Variants in FAM222B observed in about 807,000 individuals in gnomAD.
FAM222B encodes the protein protein FAM222B.
FAM222B carries 12 observed loss-of-function variants against 38.0 expected under a neutral mutation model. That is an observed-to-expected ratio of 0.32 (90% confidence interval 0.20 to 0.51). The LOEUF (loss-of-function observed/expected upper bound fraction) is 0.51. FAM222B is among the 20% of genes least tolerant of loss of function. FAM222B has a pLI of 0.97. For synonymous variants in FAM222B, 329 were observed against 317.2 expected, an observed-to-expected ratio of 1.04 and a Z score of -0.40; for missense variants, 716 against 754.2, an observed-to-expected ratio of 0.95 and a Z score of 0.59.
chr17:28,763,084 T>C (rs747717462), intron 2 of FAM222B, among the ~76,000 whole-genome samples: 4 of 152,222 alleles, frequency 2.6e-5, no homozygotes, highest in Non-Finnish European at 5.9e-5. Flanking sequence ...AAATAGCTTA[T>C]ACCAATAGTG....
chr17:28,772,202 A>G (rs192925651), intron 1 of FAM222B, among the ~76,000 whole-genome samples: 5 of 152,324 alleles, frequency 3.3e-5, no homozygotes, highest in Admixed American at 2.0e-4. Flanking sequence ...GGTCTTGCAG[A>G]TATCATTTTT....
intron 1 of FAM222B, among the ~76,000 whole-genome samples, chr17:28,842,440 T>C (rs986946393): frequency 6.6e-6 from 1 of 152,208 alleles, no homozygotes; most frequent in Non-Finnish European, 1.5e-5. Context: ...GAGGAAGGGA[T>C]GATACAAATG....
chr17:28,782,566 TA>T (rs2036211019), intron 1 of FAM222B, among the ~76,000 whole-genome samples: 1 of 152,168 alleles, frequency 6.6e-6, no homozygotes, highest in Non-Finnish European at 1.5e-5. Flanking sequence ...AAAGGATATC[TA>T]AAGATAAACA....
At chr17:28,847,844 G>A (rs2039155712) in intron 1 of FAM222B, among the ~76,000 whole-genome samples, 1 of 151,764 alleles carries the variant, frequency 6.6e-6, no homozygotes, top group Non-Finnish European at 1.5e-5. Flanking sequence ...AACCCGGGAG[G>A]CGGAGCTTGC....
intron 1 of FAM222B, chr17:28,849,602 A>G (rs1160349903): frequency 6.6e-6 from 1 of 152,174 alleles, no homozygotes. Context: ...ACCAACCCAC[A>G]CAAGCGCCCA....
chr17:28,778,719 A>ATATATATATATATTT (rs1411311023), intron 1 of FAM222B, among the ~76,000 whole-genome samples: 1 of 25,494 alleles, frequency 3.9e-5, no homozygotes, highest in African/African-American at 1.5e-4. Flanking sequence ...ATATATATAT[A>ATATATATATATATTT]TTTTTTTTTT....
chr17:28,853,944 T>C (rs1013660503), intron 1 of FAM222B, among the ~76,000 whole-genome samples: 12 of 130,528 alleles, frequency 9.2e-5, no homozygotes, highest in African/African-American at 4.5e-4. Context: ...TCTGTTTCTT[T>C]TTTTTTTTTT....
At chr17:28,783,070 G>A (rs562669823) in intron 1 of FAM222B, among the ~76,000 whole-genome samples, 35 of 151,552 alleles carry the variant, frequency 2.3e-4, no homozygotes, top group African/African-American at 5.6e-4. Flanking sequence ...CCCAGGAGGC[G>A]GAGCTTGCAG....
intron 1 of FAM222B, among the ~76,000 whole-genome samples, chr17:28,817,569 A>T (rs1415766989): frequency 2.6e-5 from 4 of 152,128 alleles, no homozygotes; most frequent in Non-Finnish European, 5.9e-5. Flanking sequence ...AAAAATACAA[A>T]AAATTAGCCG....
rs150277716 is a variant in FAM222B at position 28,767,349 on chromosome 17, G to C, written c.-40-642C>G. On this transcript the variant is annotated intron_variant, in intron 1 of 2. Transcript: ENST00000581407. ...TTCTTTGTATTTTTAGTAGAGACGG[G>C]GTTTCACCATGTTGGCCAGGCTGGT... 6.5e-3 allele frequency among the ~76,000 whole-genome samples: 995 copies of C among 152,176 alleles called. 11 individuals are homozygous for C. Among genetic ancestry groups the C allele is most frequent in the African/African-American group, 0.023 (946 of 41,518 alleles).
intron 2 of FAM222B, among the ~76,000 whole-genome samples, chr17:28,762,626 C>CAA (rs10618524): frequency 6.0e-4 from 29 of 48,130 alleles, no homozygotes; most frequent in Admixed American, 8.4e-4. Flanking sequence ...GACTCCATCT[C>CAA]AAAAAAAAAA....
At chr17:28,854,013 A>G (rs2152639915) in intron 1 of FAM222B, among the ~76,000 whole-genome samples, 1 of 140,666 alleles carries the variant, frequency 7.1e-6, no homozygotes, top group East Asian at 2.1e-4. Context: ...GTGCAATCTC[A>G]GCTCACTGCA....
At chr17:28,823,789 TG>T (rs1482533287) in intron 1 of FAM222B, among the ~76,000 whole-genome samples, 1 of 152,144 alleles carries the variant, frequency 6.6e-6, no homozygotes, top group African/African-American at 2.4e-5. Flanking sequence ...CTCCTAGGAA[TG>T]CCAGGCATTT....
chr17:28,800,324 C>T lies in FAM222B; in HGVS notation c.-40-33617G>A, dbSNP rs183749122. ...GATGACAGGCGTGAGCCACCGCACC[C>T]GGCCTATGAGACTTTCTTAACTAGT... On this transcript the variant is annotated intron_variant, in intron 1 of 2. Coordinates refer to ENST00000581407, the MANE Select transcript of FAM222B (RefSeq NM_001077498.3). Among the ~76,000 whole-genome samples the T allele has an allele frequency of 5.3e-4, 80 of 152,264 alleles. No individual in the cohort carries two copies. In the East Asian group the frequency reaches 0.012, roughly 23 times the overall value.
intron 1 of FAM222B, among the ~76,000 whole-genome samples, chr17:28,785,546 T>C (rs1240780519): frequency 1.3e-5 from 2 of 152,168 alleles, no homozygotes; most frequent in African/African-American, 4.8e-5. Flanking sequence ...AGGATGATAT[T>C]ATTTTTGAGA....
chr17:28,760,063 A>C (rs191869506), intron 2 of FAM222B, among the ~76,000 whole-genome samples, 187 bp from the exon 3 acceptor site: 15 of 152,350 alleles, frequency 9.8e-5, no homozygotes, highest in Admixed American at 2.0e-4. Flanking sequence ...GCTAATGTTC[A>C]GTAAGTGCTT....
chr17:28,830,316 C>T (rs188247205), intron 1 of FAM222B, among the ~76,000 whole-genome samples: 69 of 152,078 alleles, frequency 4.5e-4, no homozygotes, highest in East Asian at 2.9e-3. Flanking sequence ...TGCCCGCAAC[C>T]ACGCCTGGCT....
intron 1 of FAM222B, among the ~76,000 whole-genome samples, chr17:28,815,725 G>A (rs1598005345): frequency 6.6e-6 from 1 of 152,142 alleles, no homozygotes; most frequent in East Asian, 1.9e-4. Flanking sequence ...AGCACTTTGG[G>A]TGGCTGAGAC....
At position 28,842,785 on chromosome 17, in the gene FAM222B, G is replaced by C. The variant is rs540420660; in HGVS notation, c.-144C>G. ...CCCCTCAGTCACCGGCGCAGCTGTG[G>C]GGACTACCCGGAGCCGCTCCTGCGC... On this transcript the variant is annotated 5_prime_UTR_variant, in exon 1 of 3. Transcript: ENST00000581407. The C allele has an allele frequency of 6.5e-6, 1 of 153,192 alleles. No homozygotes were observed. The highest frequency in any genetic ancestry group is 6.5e-5 in the Admixed American group (1 of 15,310). The allele number at this position is 153,192 out of a possible 1,614,324, so 9.5% of individuals were successfully genotyped here. A position where few individuals can be genotyped will look rare whatever the true frequency, so the allele number is the denominator to read the frequency against.
Sources: gnomAD v4.1 joint callset for allele counts (sites outside exome capture counted in the v4.1 genomes callset) on GRCh38, gnomAD v4.1.1 for gene constraint, MANE v1.5 for transcripts, NCBI Gene and HGNC (gene_info 2026-07-23, HGNC 2026-07-21) for gene names.